COL25A1: variants seen among roughly 807,000 people sequenced by gnomAD.
COL25A1 encodes collagen type XXV alpha 1 chain.
Under a neutral mutation model 128.4 loss-of-function variants are expected in COL25A1, and 103 were observed. That is an observed-to-expected ratio of 0.80 (90% CI 0.68 to 0.94). COL25A1 has a LOEUF of 0.94. Ranked by LOEUF, COL25A1 falls within the 40% of genes least tolerant of loss-of-function variation. COL25A1 has a pLI of 0.00. For missense variants in COL25A1, 745 were observed against 840.0 expected (o/e 0.89, Z 1.40); for synonymous variants, 279 against 277.2 (o/e 1.01, Z -0.06).
chr4:109,131,791 C>T (rs1400075108), intron 3 of COL25A1, among the ~76,000 whole-genome samples: 2 of 152,144 alleles, frequency 1.3e-5, no homozygotes, highest in African/African-American at 4.8e-5. Flanking sequence ...CAGATGGTGC[C>T]CCTGAACAGT....
chr4:109,270,077 A>G (rs962151290), intron 3 of COL25A1, among the ~76,000 whole-genome samples: 20 of 152,142 alleles, frequency 1.3e-4, no homozygotes, highest in Non-Finnish European at 1.8e-4. Flanking sequence ...TTTCAAAATA[A>G]TAAGAGCTAT....
At position 108,846,139 on chromosome 4, in the gene COL25A1, C is replaced by T. The variant is rs371922822; in HGVS notation, c.1515G>A (p.Pro505=). 25 of 1,591,788 alleles carry T rather than the reference C, an allele frequency of 1.6e-5. No individual in the cohort carries two copies. The highest frequency in any genetic ancestry group is 5.4e-5 in the African/African-American group (4 of 74,398). ...AAACAAACAGAAAGTATAAACATAC[C>T]GGTAATCCAGGAAGTCCAATTCCTC... ...EKGGIGLPGL[P]GANGMKGEKG... is the part of the protein sequence containing the mutation. Residue 505 remains proline, a splice_region_variant and synonymous_variant, in exon 28 of 38, where the codon CCG becomes CCA. Transcript: ENST00000399132.
At chr4:109,108,545 T>C (rs3113716) in intron 3 of COL25A1, among the ~76,000 whole-genome samples, 32,001 of 151,686 alleles carry the variant, frequency 0.21, 4,014 homozygotes, top group East Asian at 0.39. Context: ...GGTATATACC[T>C]AGTAATGGGA....
intron 3 of COL25A1, among the ~76,000 whole-genome samples, chr4:109,176,494 A>G (rs1263655791): frequency 6.6e-6 from 1 of 152,218 alleles, no homozygotes; most frequent in Non-Finnish European, 1.5e-5. Context: ...AGAAAGGGTC[A>G]GCAAATACAG....
At chr4:109,050,710 T>C (rs190974699) in intron 3 of COL25A1, among the ~76,000 whole-genome samples, 250 of 152,278 alleles carry the variant, frequency 1.6e-3, no homozygotes, top group African/African-American at 5.9e-3. Flanking sequence ...GTGAATATAT[T>C]GGAATTTCAC....
At chr4:108,980,037 C>T (rs562705553) in intron 6 of COL25A1, among the ~76,000 whole-genome samples, 2 of 152,206 alleles carry the variant, frequency 1.3e-5, no homozygotes, top group Non-Finnish European at 2.9e-5. Flanking sequence ...GAAAGGAGTT[C>T]AGGGTGGTAA....
intron 6 of COL25A1, among the ~76,000 whole-genome samples, chr4:109,001,772 C>T (rs1332703023): frequency 6.6e-6 from 1 of 152,162 alleles, no homozygotes; most frequent in Non-Finnish European, 1.5e-5. Context: ...CCCAGATGTG[C>T]AGGTGGAGAT....
chr4:109,042,378 AATGAACAACCTGAGTTGTTCATTT>A lies in COL25A1; in HGVS notation c.420+5766_420+5789del. 2.0e-5 allele frequency among the ~76,000 whole-genome samples: 3 copies of A among 152,168 alleles called. No homozygotes were observed. The East Asian group carries it at 5.8e-4, about 29-fold the overall frequency. ...GACAAATCAGCGTGCAGGGGCTCAA[AATGAACAACCTGAGTTGTTCATTT>A]GACAAGTGACAGCCTGAGATCATTC... On this transcript the variant is annotated intron_variant, in intron 5 of 37. Transcript: ENST00000399132.
intron 19 of COL25A1, among the ~76,000 whole-genome samples, 183 bp downstream of exon 19, chr4:108,883,995 G>T (rs996253317): frequency 1.3e-5 from 2 of 152,150 alleles, no homozygotes; most frequent in African/African-American, 4.8e-5. Flanking sequence ...ATATTGCCAT[G>T]GCAAACTTTA....
intron 3 of COL25A1, among the ~76,000 whole-genome samples, chr4:109,155,182 A>G (rs1211076088): frequency 6.6e-6 from 1 of 152,222 alleles, no homozygotes; most frequent in African/African-American, 2.4e-5. Flanking sequence ...GATAAGAGTT[A>G]TTTGGCACTG....
At chr4:108,847,345 C>A (rs1482325231) in intron 27 of COL25A1, among the ~76,000 whole-genome samples, 1 of 152,120 alleles carries the variant, frequency 6.6e-6, no homozygotes, top group Non-Finnish European at 1.5e-5. Context: ...CTAGGCTGCA[C>A]AAACCTGTTT....
intron 3 of COL25A1, among the ~76,000 whole-genome samples, chr4:109,280,385 C>T (rs948870139): frequency 6.6e-5 from 10 of 152,118 alleles, no homozygotes; most frequent in East Asian, 1.9e-4. Flanking sequence ...ACCAACTTTA[C>T]GGGAAACATA....
chr4:109,289,209 T>C (rs1162834910), intron 3 of COL25A1, among the ~76,000 whole-genome samples: 1 of 152,098 alleles, frequency 6.6e-6, no homozygotes, highest in Non-Finnish European at 1.5e-5. Flanking sequence ...TACTTTTATC[T>C]ATAGACATGC....
chr4:109,110,844 T>A (rs1579399449), intron 3 of COL25A1, among the ~76,000 whole-genome samples: 1 of 152,314 alleles, frequency 6.6e-6, no homozygotes, highest in Admixed American at 6.5e-5. Flanking sequence ...TCTTTCCATG[T>A]CTACCACCAT....
Position 108,832,449 on chromosome 4 carries a change from T to C in COL25A1, c.1657-16A>G. 6.4e-7 allele frequency: 1 copy of C among 1,554,176 alleles called. No individual in the cohort carries two copies. Among genetic ancestry groups the C allele is most frequent in the Non-Finnish European group, 8.8e-7 (1 of 1,134,354 alleles). On this transcript the variant is annotated splice_polypyrimidine_tract_variant and intron_variant, in intron 31 of 37. Coordinates refer to ENST00000399132, the MANE Select transcript of COL25A1 (RefSeq NM_198721.4). ...CATCTGTACCCTAAAAAAAAGATAA[T>C]ATGAGATATATCACAAGGGCTGCAA...
At chr4:108,949,030 C>A (rs886691790) in intron 8 of COL25A1, among the ~76,000 whole-genome samples, 8 of 152,120 alleles carry the variant, frequency 5.3e-5, no homozygotes, top group African/African-American at 1.9e-4. Flanking sequence ...GAAGATGAGA[C>A]CCCATGAAAA....
intron 3 of COL25A1, among the ~76,000 whole-genome samples, chr4:109,125,167 CTCTA>C (rs1405354662): frequency 6.6e-6 from 1 of 152,090 alleles, no homozygotes; most frequent in Non-Finnish European, 1.5e-5. Flanking sequence ...TAAAGTTAAA[CTCTA>C]TCTATTACTA....
intron 3 of COL25A1, among the ~76,000 whole-genome samples, chr4:109,134,834 A>G (rs948281984): frequency 6.6e-6 from 1 of 152,120 alleles, no homozygotes; most frequent in African/African-American, 2.4e-5. Context: ...ACTTGGAGAA[A>G]AATTCTGAGC....
At chr4:108,914,960 G>A (rs1042881635) in intron 13 of COL25A1, among the ~76,000 whole-genome samples, 5 of 152,160 alleles carry the variant, frequency 3.3e-5, no homozygotes, top group Non-Finnish European at 7.4e-5. Flanking sequence ...TGGAACCTTA[G>A]AAAGTTAAGT....
Sources: allele counts gnomAD v4.1 joint callset (sites outside exome capture counted in the v4.1 genomes callset), GRCh38; gene constraint gnomAD v4.1.1; transcripts MANE v1.5; gene names NCBI Gene and HGNC (gene_info 2026-07-23, HGNC 2026-07-21).